The following MAPK14 variants were observed in gnomAD, a reference collection of about 807,000 sequenced individuals.
The protein encoded by MAPK14 is mitogen-activated protein kinase 14.
MAPK14 carries 16 observed loss-of-function variants against 49.6 expected under a neutral mutation model. The observed-to-expected ratio is 0.32, with a 90% CI of 0.22 to 0.49. The LOEUF is 0.49. Ranked by LOEUF, MAPK14 falls within the 20% of genes least tolerant of loss-of-function variation. The pLI, the probability that MAPK14 is intolerant of heterozygous loss-of-function variation, is 0.99. For synonymous variants in MAPK14, 142 were observed against 158.0 expected (o/e 0.90, Z 0.76); for missense variants, 200 against 441.2 (o/e 0.45, Z 4.90).
At chr6:36,082,376 C>G (rs1764800485) in intron 8 of MAPK14, among the ~76,000 whole-genome samples, 1 of 152,206 alleles carries the variant, frequency 6.6e-6, no homozygotes, top group Non-Finnish European at 1.5e-5. Flanking sequence ...CATAAATGCC[C>G]TTTATCATGT....
chr6:36,119,823 A>G, the MAPK14 span, among the ~76,000 whole-genome samples: 14 of 152,224 alleles, frequency 9.2e-5, no homozygotes, highest in Non-Finnish European at 1.9e-4. Context: ...GAGGCTGAGA[A>G]ACAGAGACGA....
At chr6:36,075,817 G>A in intron 6 of MAPK14, 31 bp from the exon 7 acceptor site, 2 of 1,612,790 alleles carry the variant, frequency 1.2e-6, no homozygotes. Context: ...CTAAGTCTTA[G>A]CAGTTTGTCT....
intron 6 of MAPK14, among the ~76,000 whole-genome samples, chr6:36,074,653 T>G (rs1006438499): frequency 6.6e-6 from 1 of 152,000 alleles, no homozygotes; most frequent in Non-Finnish European, 1.5e-5. Context: ...TCTCACTCTG[T>G]TGCCCAGTCT....
the MAPK14 span, among the ~76,000 whole-genome samples, chr6:36,123,988 C>G: frequency 6.6e-6 from 1 of 152,020 alleles, no homozygotes; most frequent in Non-Finnish European, 1.5e-5. Flanking sequence ...ACTCACAGAG[C>G]TGTCCCCACC....
At chr6:36,097,169 C>T (rs1040487078) in intron 9 of MAPK14, 6 of 152,200 alleles carry the variant, frequency 3.9e-5, no homozygotes, top group African/African-American at 1.4e-4. Context: ...TCCCAAAGCC[C>T]AGTGTATTTC....
chr6:36,077,187 T>TTAC (rs1432053818), intron 8 of MAPK14, among the ~76,000 whole-genome samples: 2 of 152,198 alleles, frequency 1.3e-5, no homozygotes, highest in Non-Finnish European at 2.9e-5. Context: ...ACTCCAAGAC[T>TTAC]TACTGTCTAG....
intron 1 of MAPK14, among the ~76,000 whole-genome samples, chr6:36,049,616 A>G (rs1763317015): frequency 6.6e-6 from 1 of 152,192 alleles, no homozygotes; most frequent in African/African-American, 2.4e-5. Flanking sequence ...CCTCTGGTGT[A>G]GGTGACTTTT....
intron 4 of MAPK14, 84 bp downstream of exon 4, chr6:36,073,068 A>G: frequency 1.2e-6 from 1 of 848,708 alleles, no homozygotes; most frequent in Admixed American, 1.9e-5. Context: ...CAAGTAAACA[A>G]CTTTTCTAAT....
At chr6:36,104,908 A>G (rs915184275) in intron 10 of MAPK14, among the ~76,000 whole-genome samples, 1 of 151,910 alleles carries the variant, frequency 6.6e-6, no homozygotes, top group Admixed American at 6.6e-5. Context: ...TGACATTGAA[A>G]CCTCCAAAAG....
intron 8 of MAPK14, among the ~76,000 whole-genome samples, chr6:36,085,844 A>T (rs768035618): frequency 6.6e-6 from 1 of 152,232 alleles, no homozygotes; most frequent in Non-Finnish European, 1.5e-5. Flanking sequence ...TACAGAAACA[A>T]CAGAATATAC....
rs1239360525 is a variant in MAPK14 at position 36,092,504 on chromosome 6, C to T, written c.683-3483C>T. The T allele has an allele frequency of 2.0e-5, 11 of 551,642 alleles. No individual in the cohort carries two copies. In the East Asian group the frequency reaches 4.8e-4, roughly 24 times the overall value. 34.2% of individuals were successfully genotyped at this position (551,642 alleles called of 1,614,324 possible). ...TCTGTTCTTTCCTGGTTGTATGTTT[C>T]ACTGAGTCCCAAGTTCCAGTTTTAC... On this transcript the variant is annotated intron_variant, in intron 8 of 11. Transcript: ENST00000229794.
chr6:36,102,233 T>A (rs1015662794), intron 9 of MAPK14, among the ~76,000 whole-genome samples: 1 of 152,260 alleles, frequency 6.6e-6, no homozygotes, highest in Non-Finnish European at 1.5e-5. Flanking sequence ...TTTAGCTGTT[T>A]GAGAAGGCTG....
chr6:36,092,935 G>T (rs1309804156), intron 8 of MAPK14, among the ~76,000 whole-genome samples: 1 of 152,130 alleles, frequency 6.6e-6, no homozygotes, highest in Non-Finnish European at 1.5e-5. Flanking sequence ...AGTTACAAGA[G>T]TTACTTGAAC....
chr6:36,063,282 C>T (rs533888386), intron 3 of MAPK14, among the ~76,000 whole-genome samples: 2 of 152,008 alleles, frequency 1.3e-5, no homozygotes, highest in Non-Finnish European at 2.9e-5. Context: ...ACATAGAAAA[C>T]AACAGTAAAA....
At chr6:36,114,548 G>A (rs7769981), downstream of MAPK14, among the ~76,000 whole-genome samples, 17,858 of 151,626 alleles carry the variant, frequency 0.12, 1,143 homozygotes, top group African/African-American at 0.17. Flanking sequence ...AACCTGGGAG[G>A]CGGAGGTTGC....
chr6:36,029,275 GTTTT>G (rs1242209497), intron 1 of MAPK14: 4 of 152,106 alleles, frequency 2.6e-5, no homozygotes, highest in African/African-American at 9.7e-5. Context: ...GTACACGATG[GTTTT>G]CGTAAGGATA....
chr6:36,105,761 C>A (rs1017094354), intron 10 of MAPK14, among the ~76,000 whole-genome samples: 2 of 152,124 alleles, frequency 1.3e-5, no homozygotes, highest in African/African-American at 4.8e-5. Flanking sequence ...AGCAGTAGAT[C>A]TCTATAGGAA....
chr6:36,121,813 C>T, the MAPK14 span, among the ~76,000 whole-genome samples: 1 of 152,200 alleles, frequency 6.6e-6, no homozygotes, highest in Non-Finnish European at 1.5e-5. Flanking sequence ...GGTCTTCACT[C>T]CCAGCTCTAG....
At chr6:36,096,395 C>T (rs913614419) in intron 9 of MAPK14, 2 of 219,776 alleles carry the variant, frequency 9.1e-6, no homozygotes, top group Admixed American at 5.5e-5. Context: ...TCTCTGTCCT[C>T]AAGACCTGAC....
Sources: allele counts gnomAD v4.1 joint callset (sites outside exome capture counted in the v4.1 genomes callset), GRCh38; gene constraint gnomAD v4.1.1; transcripts MANE v1.5; gene names NCBI Gene and HGNC (gene_info 2026-07-23, HGNC 2026-07-21).